TBC1D1: variants seen among roughly 807,000 people sequenced by gnomAD.
TBC1D1 encodes the protein TBC1 (tre-2/USP6, BUB2, cdc16) domain family, member 1.
A neutral mutation model predicts 125.6 loss-of-function variants in TBC1D1; 89 were observed. The observed-to-expected ratio is 0.71, with a 90% CI of 0.60 to 0.85. The LOEUF (loss-of-function observed/expected upper bound fraction) is 0.85, where lower values mean the gene tolerates loss of function less well. TBC1D1 is among the 40% of genes least tolerant of loss of function. TBC1D1 has a pLI of 0.00. For synonymous variants in TBC1D1, 565 were observed against 564.1 expected (o/e 1.00, Z -0.02); for missense variants, 1,377 against 1,469.2 (o/e 0.94, Z 1.03).
Position 37,984,288 on chromosome 4 carries a change from G to T in TBC1D1, c.418-30221G>T, listed in dbSNP as rs922596814. 5.9e-5 allele frequency among the ~76,000 whole-genome samples: 9 copies of T among 152,138 alleles called. No homozygotes were observed. In the East Asian group the frequency reaches 1.5e-3, roughly 26 times the overall value. Reference sequence around the variant, plus strand: ...CCTTTGAGTAGATATCAAGAAGTATGATTGATAGATTGTAATGTAAGATTA... The same window carrying T: ...CCTTTGAGTAGATATCAAGAAGTATTATTGATAGATTGTAATGTAAGATTA... On this transcript the variant is annotated intron_variant, in intron 2 of 19. Transcript: ENST00000261439.
At chr4:37,935,135 A>G (rs933575900) in intron 2 of TBC1D1, among the ~76,000 whole-genome samples, 10 of 152,266 alleles carry the variant, frequency 6.6e-5, no homozygotes, top group Admixed American at 6.5e-4. Flanking sequence ...GCAAAAATCT[A>G]ATTCTTCCCC....
chr4:38,099,009 A>G (rs1225173082), intron 14 of TBC1D1, among the ~76,000 whole-genome samples: 3 of 152,206 alleles, frequency 2.0e-5, no homozygotes, highest in Non-Finnish European at 2.9e-5. Context: ...CTCTAAAGAT[A>G]TCTAGATAGA....
Position 38,027,885 on chromosome 4 carries a change from G to A in TBC1D1, c.1302+6G>A. On this transcript the variant is annotated splice_donor_region_variant and intron_variant, in intron 7 of 19. Transcript: ENST00000261439. ...CTATTTTTGAAGAGGTTCAGGTACA[G>A]TACAGTTGCTAATTTCTAGAAGGAA... 6.4e-7 allele frequency: 1 copy of A among 1,566,114 alleles called. No homozygotes were observed. Among genetic ancestry groups the A allele is most frequent in the Non-Finnish European group, 8.7e-7 (1 of 1,154,752 alleles).
At chr4:38,052,641 TG>T (rs1165972944) in intron 11 of TBC1D1, among the ~76,000 whole-genome samples, 2 of 151,966 alleles carry the variant, frequency 1.3e-5, no homozygotes, top group African/African-American at 4.8e-5. Flanking sequence ...TGCTGCAAAT[TG>T]TTTTTTTATA....
chr4:37,949,596 G>T (rs1398647004), intron 2 of TBC1D1, among the ~76,000 whole-genome samples: 20 of 152,128 alleles, frequency 1.3e-4, no homozygotes, highest in Non-Finnish European at 2.6e-4. Flanking sequence ...GCAGTGCTAG[G>T]GATCTAATCA....
chr4:38,051,120 G>GTT, intron 11 of TBC1D1, among the ~76,000 whole-genome samples: 1 of 152,322 alleles, frequency 6.6e-6, no homozygotes, highest in South Asian at 2.1e-4. Flanking sequence ...GAGAGTCCTA[G>GTT]TTCTCTTGTG....
chr4:38,091,980 G>A (rs1758502803), intron 13 of TBC1D1, among the ~76,000 whole-genome samples: 1 of 152,164 alleles, frequency 6.6e-6, no homozygotes, highest in Non-Finnish European at 1.5e-5. Context: ...TATCTTTGTG[G>A]TGAAAACACA....
In TBC1D1 at chr4:37,995,444, C is replaced by T; in HGVS notation, c.418-19065C>T. ...TAGGATACAACCTGAGGTTTCTTTC[C>T]CCGCCCCCTCACAAAGTATAGATCA... On this transcript the variant is annotated intron_variant, in intron 2 of 19. Coordinates refer to ENST00000261439, the MANE Select transcript of TBC1D1 (RefSeq NM_015173.4). This position sits in a 1 kb window ranked among gnomAD's most constrained non-coding sequence, Gnocchi z 4.3. The T allele has an allele frequency of 1.0e-5, 2 of 196,748 alleles. No individual in the cohort carries two copies. The highest frequency in any genetic ancestry group is 2.1e-5 in the Non-Finnish European group (2 of 94,054). 12.2% of individuals were successfully genotyped at this position (196,748 alleles called of 1,614,324 possible).
chr4:37,910,009 T>C (rs1718239616), intron 2 of TBC1D1, among the ~76,000 whole-genome samples: 1 of 152,228 alleles, frequency 6.6e-6, no homozygotes, highest in South Asian at 2.1e-4. Context: ...GTTTGGGTTC[T>C]TAACACCAGA....
chr4:38,091,088 T>C (rs984033500), intron 13 of TBC1D1, among the ~76,000 whole-genome samples: 1 of 152,236 alleles, frequency 6.6e-6, no homozygotes, highest in African/African-American at 2.4e-5. Flanking sequence ...GTCCCTACAA[T>C]GCTTGTGAGT....
chr4:38,004,860 A>G (rs1386461023), intron 2 of TBC1D1, among the ~76,000 whole-genome samples: 1 of 152,236 alleles, frequency 6.6e-6, no homozygotes, highest in Non-Finnish European at 1.5e-5. Context: ...GCTGTGTTCA[A>G]AAAGGATAGA....
intron 2 of TBC1D1, among the ~76,000 whole-genome samples, chr4:37,915,479 A>C (rs1719533233): frequency 6.6e-6 from 1 of 152,216 alleles, no homozygotes; most frequent in Non-Finnish European, 1.5e-5. Context: ...TCAGTGTCCC[A>C]GCTCAAGCAA....
At chr4:38,093,215 A>G (rs1758722590) in intron 13 of TBC1D1, among the ~76,000 whole-genome samples, 1 of 152,194 alleles carries the variant, frequency 6.6e-6, no homozygotes, top group Non-Finnish European at 1.5e-5. Context: ...CAGGGGTTCA[A>G]GCTGACTTGC....
chr4:38,017,270 T>C (rs1340709439), intron 3 of TBC1D1, among the ~76,000 whole-genome samples: 2 of 152,236 alleles, frequency 1.3e-5, no homozygotes, highest in African/African-American at 4.8e-5. Context: ...TAGATACTTA[T>C]TCGTTGTTTA....
rs1270017264 is a variant in TBC1D1, at chr4:37,902,333, G to T, written c.238G>T (p.Gly80Trp). Residue 80 changes from glycine (G) to tryptophan (W), a missense_variant, in exon 2 of 20, where the codon GGG (glycine) becomes TGG (tryptophan). Gly to Trp is a radical substitution (Grantham distance 184). This residue lies in a region of TBC1D1 where 822 missense variants were observed against 824.6 expected (regional missense o/e 1.00). Transcript: ENST00000261439. ...TGGACTGAGATGTGAACCTGAGCCA[G>T]GGAGAAGTCAACAGTGGGATCCCCT... The T allele has an allele frequency of 6.2e-7, 1 of 1,614,098 alleles. No homozygotes were observed. Among genetic ancestry groups the T allele is most frequent in the Non-Finnish European group, 8.5e-7 (1 of 1,180,040 alleles).
chr4:38,130,331 G>C (rs1475976793), intron 18 of TBC1D1, among the ~76,000 whole-genome samples: 1 of 152,192 alleles, frequency 6.6e-6, no homozygotes, highest in Non-Finnish European at 1.5e-5. Flanking sequence ...TGTATTTGGT[G>C]ATTTTTCTTT....
chr4:37,923,187 A>C (rs1721386192), intron 2 of TBC1D1, among the ~76,000 whole-genome samples: 1 of 151,850 alleles, frequency 6.6e-6, no homozygotes, highest in Admixed American at 6.6e-5. Flanking sequence ...ACTCCCACTT[A>C]TGAGTGAGAA....
chr4:38,017,968 T>G (rs1578288453), intron 3 of TBC1D1, among the ~76,000 whole-genome samples: 1 of 152,234 alleles, frequency 6.6e-6, no homozygotes, highest in East Asian at 1.9e-4. Context: ...AATGGTAGAT[T>G]CTTTTAACAA....
At position 37,931,464 on chromosome 4, in the gene TBC1D1, C is replaced by T. The variant is rs149539644; in HGVS notation, c.417+28952C>T. ...GAGAATGAAGAACTGTTATCCCCAC[C>T]GTTCCCTGACCTTTTTCCACTCTTT... On this transcript the variant is annotated intron_variant, in intron 2 of 19. Transcript: ENST00000261439. Among the ~76,000 whole-genome samples, 240 of 152,094 alleles carry T rather than the reference C, an allele frequency of 1.6e-3. 6 individuals carry two copies. The East Asian group carries it at 0.032, about 20-fold the overall frequency.
Sources: allele counts gnomAD v4.1 joint callset (sites outside exome capture counted in the v4.1 genomes callset), GRCh38; gene constraint gnomAD v4.1.1; regional missense constraint gnomAD v4.1.1; non-coding constraint Gnocchi (gnomAD v3.1); transcripts MANE v1.5; gene names NCBI Gene and HGNC (gene_info 2026-07-23, HGNC 2026-07-21).